ABCC12: variants seen among roughly 807,000 people sequenced by gnomAD.
The protein encoded by ABCC12 is ATP binding cassette subfamily C member 12, also known as ATP-binding cassette sub-family C member 12.
In ABCC12, 142 loss-of-function variants were observed where a neutral mutation model predicts 151.1. The ratio of observed to expected loss-of-function variants is 0.94; its 90% CI spans 0.82 to 1.08. The LOEUF is 1.08. Ranked by LOEUF, ABCC12 falls within the 50% of genes least tolerant of loss-of-function variation. ABCC12 has a pLI of 0.00. For missense variants in ABCC12, 1,638 were observed against 1,691.1 expected (o/e 0.97, Z 0.55); for synonymous variants, 645 against 646.4 (o/e 1.00, Z 0.03).
At chr16:48,106,741 C>A (rs1437121843) in intron 20 of ABCC12, among the ~76,000 whole-genome samples, 1 of 152,208 alleles carries the variant, frequency 6.6e-6, no homozygotes, top group East Asian at 1.9e-4. Flanking sequence ...AGCTTTGAGA[C>A]CATTGGCCAA....
chr16:48,119,722 A>G (rs1781892221), intron 13 of ABCC12, among the ~76,000 whole-genome samples: 2 of 152,194 alleles, frequency 1.3e-5, no homozygotes, highest in African/African-American at 4.8e-5. Context: ...ACCACTGGAG[A>G]GCTGACAGCC....
intron 2 of ABCC12, among the ~76,000 whole-genome samples, chr16:48,148,507 G>C (rs980224269): frequency 3.9e-5 from 6 of 152,134 alleles, no homozygotes; most frequent in African/African-American, 1.4e-4. Flanking sequence ...AAAAGTGCTG[G>C]GATTACAGGC....
intron 23 of ABCC12, among the ~76,000 whole-genome samples, chr16:48,098,108 C>G (rs1326832378): frequency 6.6e-6 from 1 of 151,000 alleles, no homozygotes; most frequent in Non-Finnish European, 1.5e-5. Flanking sequence ...CACACACACA[C>G]ACACACACAC....
intron 9 of ABCC12, 23 bp downstream of exon 9, chr16:48,133,664 C>T (rs761836199): frequency 1.6e-5 from 26 of 1,611,188 alleles, no homozygotes; most frequent in Non-Finnish European, 2.1e-5. Flanking sequence ...GTGAAAGAGC[C>T]TCGATCTGGA....
At chr16:48,151,200 G>C (rs1182657773) in intron 2 of ABCC12, among the ~76,000 whole-genome samples, 2 of 152,196 alleles carry the variant, frequency 1.3e-5, no homozygotes, top group Non-Finnish European at 2.9e-5. Context: ...CCCTTAATAT[G>C]ATGGGGCAAA....
At position 48,117,219 on chromosome 16, in the gene ABCC12, T is replaced by C. The variant is rs78428318; in HGVS notation, c.1785+42A>G. 3,068 of 1,584,182 alleles carry C rather than the reference T, an allele frequency of 1.9e-3. 47 individuals are homozygous for C. In the African/African-American group the frequency reaches 0.035, roughly 18 times the overall value. On this transcript the variant is annotated intron_variant, in intron 14 of 30. Coordinates refer to ENST00000311303, the MANE Select transcript of ABCC12 (RefSeq NM_001393797.1). Reference sequence around the variant, plus strand: ...GCCCTTTGGACCTGAGCAAATGTACTGTGTGCAGCTACAGTGGGCTTGCGC... The same window carrying C: ...GCCCTTTGGACCTGAGCAAATGTACCGTGTGCAGCTACAGTGGGCTTGCGC...
intron 8 of ABCC12, 116 bp from the exon 9 acceptor site, chr16:48,133,951 T>C (rs1597320973): frequency 7.8e-7 from 1 of 1,277,274 alleles, no homozygotes; most frequent in Non-Finnish European, 1.1e-6. Flanking sequence ...AGTCCTGTTG[T>C]GAAGTTTAAA....
chr16:48,093,802 G>A (rs1962997743), intron 24 of ABCC12, among the ~76,000 whole-genome samples: 1 of 152,208 alleles, frequency 6.6e-6, no homozygotes, highest in Non-Finnish European at 1.5e-5. Context: ...GCCCACAAAG[G>A]CACAGTGCTG....
rs1161431359 is a variant in ABCC12 at position 48,140,688 on chromosome 16, T to C, written c.656A>G (p.Glu219Gly). The stretch of plus-strand genomic sequence containing the variant: ...TTAAACTCCTCTGAGCCAGCTTACC[T>C]CGCCAACAGAGATGTGGGTCAATGT... ...FKTLTHISVGEVLNILSSDSY... is the reference protein window; with the variant it reads ...FKTLTHISVGGVLNILSSDSY... The change falls in exon 6 of 31, where the codon GAG becomes GGG. Residue 219 changes from glutamate to glycine, a missense_variant and splice_region_variant. By Grantham distance (98) the Glu-to-Gly change is moderately conservative. Coordinates refer to ENST00000311303, the MANE Select transcript of ABCC12 (RefSeq NM_001393797.1). The C allele has an allele frequency of 6.2e-7, 1 of 1,613,668 alleles. No individual in the cohort carries two copies. The highest frequency in any genetic ancestry group is 2.2e-5 in the East Asian group (1 of 44,858).
Position 48,080,944 on chromosome 16 carries a change from G to T in ABCC12, c.*2771C>A, listed in dbSNP as rs1962318790. Among the ~76,000 whole-genome samples the T allele has an allele frequency of 6.6e-6, 1 of 152,198 alleles. No homozygotes were observed. Among genetic ancestry groups the T allele is most frequent in the South Asian group, 2.1e-4 (1 of 4,820 alleles). On this transcript the variant is annotated 3_prime_UTR_variant, in exon 31 of 31. Transcript: ENST00000311303. ...TGGACGCTGGGAAATCCATGGTCGA[G>T]GTGCCAACAGATTTGGTGTTGAGTG...
chr16:48,088,123 C>T, intron 26 of ABCC12, 38 bp from the exon 27 acceptor site: 2 of 1,600,768 alleles, frequency 1.2e-6, no homozygotes, highest in Non-Finnish European at 1.7e-6. Context: ...AATCAAACAT[C>T]AGTTTGTGCT....
intron 15 of ABCC12, among the ~76,000 whole-genome samples, chr16:48,113,873 C>A (rs937582626): frequency 6.6e-6 from 1 of 152,156 alleles, no homozygotes; most frequent in Non-Finnish European, 1.5e-5. Flanking sequence ...ACAGCCATGA[C>A]CCACATCTGT....
chr16:48,111,692 G>A, intron 16 of ABCC12, 30 bp from the exon 17 acceptor site: 2 of 1,614,074 alleles, frequency 1.2e-6, no homozygotes, highest in South Asian at 2.2e-5. Context: ...CCTTCTGAAT[G>A]CTAAGTGACA....
At chr16:48,135,519 C>CA (rs1964579446) in intron 8 of ABCC12, among the ~76,000 whole-genome samples, 1 of 152,034 alleles carries the variant, frequency 6.6e-6, no homozygotes, top group East Asian at 1.9e-4. Flanking sequence ...TACCTGAGAC[C>CA]ACAGGCACAT....
intron 7 of ABCC12, 75 bp from the exon 8 acceptor site, chr16:48,138,450 A>T: frequency 6.6e-7 from 1 of 1,505,388 alleles, no homozygotes. Flanking sequence ...CAGAAATGGG[A>T]GTGTAAGTGC....
chr16:48,130,864 A>T lies in ABCC12; in HGVS notation c.1160T>A (p.Met387Lys), dbSNP rs780461664. ...GGGCAAGATTGCAATGGAAAACTTC[A>T]TTACATTAAACATGGCAATCACACT... ...AFSVIAMFNV[M>K]KFSIAILPFS... is the part of the protein sequence containing the mutation. The change falls in exon 10 of 31, where the codon ATG becomes AAG. Residue 387 changes from methionine to lysine, a missense_variant. Met to Lys is a moderately conservative substitution (Grantham distance 95). Transcript: ENST00000311303. 2 of 1,613,560 alleles carry T rather than the reference A, an allele frequency of 1.2e-6. No homozygotes were observed. Among genetic ancestry groups the T allele is most frequent in the Admixed American group, 1.7e-5 (1 of 60,034 alleles).
chr16:48,121,671 T>G (rs776777949), intron 13 of ABCC12, 45 bp downstream of exon 13: 2 of 1,611,340 alleles, frequency 1.2e-6, no homozygotes, highest in East Asian at 2.2e-5. Flanking sequence ...TAGGAGAGTG[T>G]GTACCAAACA....
At chr16:48,119,634 C>T (rs1964001986) in intron 13 of ABCC12, among the ~76,000 whole-genome samples, 1 of 152,236 alleles carries the variant, frequency 6.6e-6, no homozygotes, top group Non-Finnish European at 1.5e-5. Flanking sequence ...AATTGACAAG[C>T]CTCTTGATGA....
At chr16:48,119,539 T>C (rs1466437331) in intron 13 of ABCC12, among the ~76,000 whole-genome samples, 1 of 152,264 alleles carries the variant, frequency 6.6e-6, no homozygotes, top group Non-Finnish European at 1.5e-5. Context: ...TTGGCTATAC[T>C]GATCACTGAC....
Sources: allele counts gnomAD v4.1 joint callset (sites outside exome capture counted in the v4.1 genomes callset), GRCh38; gene constraint gnomAD v4.1.1; transcripts MANE v1.5; gene names NCBI Gene and HGNC (gene_info 2026-07-23, HGNC 2026-07-21).